TFR2: variants seen among roughly 807,000 people sequenced by gnomAD.
TFR2 encodes the protein transferrin receptor 2.
Under a neutral mutation model 91.9 loss-of-function variants are expected in TFR2, and 64 were observed. That is an observed-to-expected ratio of 0.70 (90% CI 0.57 to 0.86). The LOEUF is 0.86. TFR2 is among the 40% of genes least tolerant of loss of function. The pLI is 0.00. For synonymous variants in TFR2, 454 were observed against 459.6 expected, an observed-to-expected ratio of 0.99 and a Z score of 0.15; for missense variants, 950 against 1,080.5, an observed-to-expected ratio of 0.88 and a Z score of 1.69.
chr7:100,623,056 C>G lies in TFR2; in HGVS notation c.2137-1930G>C, dbSNP rs554542142. 2.0e-5 allele frequency among the ~76,000 whole-genome samples: 3 copies of G among 151,730 alleles called. No individual in the cohort carries two copies. The East Asian group carries it at 5.9e-4, about 30-fold the overall frequency. ...TTGGGAGGCCAAGGTGGGTAGATCA[C>G]GAGGTCAAGAGATCAAGACCATCCT... On this transcript the variant is annotated intron_variant, in intron 17 of 17. Transcript: ENST00000223051.
In TFR2 at chr7:100,632,171, G is replaced by T; in HGVS notation, c.877C>A (p.Gln293Lys). The part of the protein sequence containing the change: ...KVTNAQDFGA[Q>K]GVLIYPEPAD... ...GGCTCTGGGTATATGAGCACTCCTTGAGCCCCGAAGTCCTGAGCATTGGTC... is the reference window on the plus strand; with the variant it reads ...GGCTCTGGGTATATGAGCACTCCTTTAGCCCCGAAGTCCTGAGCATTGGTC... The change falls in exon 7 of 18, where the codon CAA becomes AAA. Residue 293 changes from glutamine to lysine, a missense_variant. Transcript: ENST00000223051. 1 of 1,614,106 alleles carries T rather than the reference G, an allele frequency of 6.2e-7. No homozygotes were observed. Among genetic ancestry groups the T allele is most frequent in the South Asian group, 1.1e-5 (1 of 91,072 alleles).
At chr7:100,625,065 T>C (rs1426812488) in intron 17 of TFR2, among the ~76,000 whole-genome samples, 22 of 147,766 alleles carry the variant, frequency 1.5e-4, no homozygotes, top group Non-Finnish European at 2.8e-4. Context: ...TTTTCTTTTT[T>C]TTTTTTTTTT....
In TFR2 at chr7:100,640,448, A is replaced by C. The variant is rs548999409; in HGVS notation, c.473+238T>G. Reference sequence around the variant, plus strand: ...ATGCTGCACCCCTCTGATCTCAGACAGTCAGCTCCCTCACCTCCCAAATAT... The same window carrying C: ...ATGCTGCACCCCTCTGATCTCAGACCGTCAGCTCCCTCACCTCCCAAATAT... On this transcript the variant is annotated intron_variant, in intron 3 of 17. Coordinates refer to ENST00000223051, the MANE Select transcript of TFR2 (RefSeq NM_003227.4). The C allele has an allele frequency of 3.5e-5, 20 of 577,106 alleles. No homozygotes were observed. The Admixed American group carries it at 4.9e-4, about 14-fold the overall frequency. The allele number at this position is 577,106 out of a possible 1,614,324, so 35.7% of individuals were successfully genotyped here.
chr7:100,621,254 T>C (rs1803103346), intron 17 of TFR2, 128 bp from the exon 18 acceptor site: 1 of 1,263,148 alleles, frequency 7.9e-7, no homozygotes, highest in East Asian at 2.6e-5. Flanking sequence ...GTTTGTTTTT[T>C]GTTTGTTCGT....
Position 100,641,036 on chromosome 7 carries a change from C to G in TFR2, c.226G>C (p.Ala76Pro). The G allele has an allele frequency of 6.2e-7, 1 of 1,601,268 alleles. No individual in the cohort carries two copies. Among genetic ancestry groups the G allele is most frequent in the Non-Finnish European group, 8.5e-7 (1 of 1,172,862 alleles). Residue 76 changes from alanine (A) to proline (P), a missense_variant, in exon 2 of 18, where the codon GCA becomes CCA. Physicochemically the swap from Ala to Pro is conservative, Grantham distance 27. Transcript: ENST00000223051. ...PRQPNLIPWAAAGRRAAPYLV... is the reference protein window; with the variant it reads ...PRQPNLIPWAPAGRRAAPYLV... ...TAGGGGGCAGCCCTCCGTCCTGCTG[C>G]CGCCCAGGGAATGAGGTTTGGCTGC...
In TFR2 at chr7:100,640,660, A is replaced by G. The variant is rs187061930; in HGVS notation, c.473+26T>C. The G allele has an allele frequency of 2.7e-5, 44 of 1,608,506 alleles. No homozygotes were observed. The East Asian group carries it at 9.6e-4, about 35-fold the overall frequency. Reference sequence around the variant, plus strand: ...CGGATGAGGGGAGGGACACTCGAGAACAGGATGGGGCAGGGCCATCCCTAC... The same window carrying G: ...CGGATGAGGGGAGGGACACTCGAGAGCAGGATGGGGCAGGGCCATCCCTAC... On this transcript the variant is annotated intron_variant, in intron 3 of 17. Coordinates refer to ENST00000223051, the MANE Select transcript of TFR2 (RefSeq NM_003227.4).
chr7:100,631,685 G>T, intron 8 of TFR2, 121 bp downstream of exon 8: 1 of 1,373,028 alleles, frequency 7.3e-7, no homozygotes, highest in Non-Finnish European at 9.9e-7. Context: ...GTGTAGTCAT[G>T]GCTCACTGCA....
At chr7:100,634,177 A>AAC (rs3076877) in intron 3 of TFR2, among the ~76,000 whole-genome samples, 11,415 of 132,580 alleles carry the variant, frequency 0.086, 520 homozygotes, top group South Asian at 0.13. Context: ...TCCCGACGTC[A>AAC]ACACACACAC....
chr7:100,627,285 G>C lies in TFR2; in HGVS notation c.1974C>G (p.Asn658Lys). 6.5e-7 allele frequency: 1 copy of C among 1,549,274 alleles called. No individual in the cohort carries two copies. Residue 658 changes from asparagine (N) to lysine (K), a missense_variant, in exon 16 of 18, where the codon AAC (asparagine) becomes AAG (lysine). By Grantham distance (94) the Asn-to-Lys change is moderately conservative (BLOSUM62 0). Transcript: ENST00000223051. The stretch of plus-strand genomic sequence containing the variant: ...GAACCTTGAGGTCCCCAGAGAACTC[G>C]TTGAGGTTCCCGATGTGCCTGAGGA... Reference protein sequence around the residue: ...DVVLRHIGNLNEFSGDLKARG... With the variant: ...DVVLRHIGNLKEFSGDLKARG...
In TFR2 at chr7:100,633,005, T is replaced by C. The variant is rs1338204934; in HGVS notation, c.845A>G (p.Gln282Arg). 1 of 1,613,620 alleles carries C rather than the reference T, an allele frequency of 6.2e-7. No individual in the cohort carries two copies. ...CCTCTGTCCAGGGACACTTACCTTC[T>C]GGGCGAAGCTGATCACCCCCACGCG... ...LVRVGVISFA[Q>R]KVTNAQDFGA... The change falls in exon 6 of 18, where the codon CAG becomes CGG. Residue 282 changes from glutamine (Q) to arginine (R), a missense_variant. Coordinates refer to ENST00000223051, the MANE Select transcript of TFR2 (RefSeq NM_003227.4).
In TFR2 at chr7:100,640,856, G is replaced by T. The variant is rs376955913; in HGVS notation, c.303C>A (p.Tyr101Ter). The T allele has an allele frequency of 6.2e-7, 1 of 1,614,066 alleles. No individual in the cohort carries two copies. Among genetic ancestry groups the T allele is most frequent in the Non-Finnish European group, 8.5e-7 (1 of 1,180,002 alleles). ...LIFTGAFLLG[Y>*]VAFRGSCQAC... Reference sequence around the variant, plus strand: ...CCTGGCAGGACCCTCGGAAGGCGACGTAGCCCAGTAGGAAGGCTGGCGGGT... The same window carrying T: ...CCTGGCAGGACCCTCGGAAGGCGACTTAGCCCAGTAGGAAGGCTGGCGGGT... Residue 101 changes from tyrosine to a stop codon, truncating the protein, a stop_gained, in exon 3 of 18, where the codon TAC becomes TAA. Coordinates refer to ENST00000223051, the MANE Select transcript of TFR2 (RefSeq NM_003227.4). LOFTEE classifies it high-confidence loss of function.
intron 17 of TFR2, among the ~76,000 whole-genome samples, chr7:100,624,247 T>C (rs1181368370): frequency 6.6e-6 from 1 of 152,036 alleles, no homozygotes; most frequent in African/African-American, 2.4e-5. Context: ...TGCCTCTTCA[T>C]GGGGCCCCTG....
At position 100,633,114 on chromosome 7, in the gene TFR2, C is replaced by G; in HGVS notation, c.736G>C (p.Val246Leu). The G allele has an allele frequency of 6.2e-7, 1 of 1,613,490 alleles. No individual in the cohort carries two copies. The highest frequency in any genetic ancestry group is 8.5e-7 in the Non-Finnish European group (1 of 1,179,894). ...TCGGGCCGCCCGTAGTGGGCGTACA[C>G]CAGCTCTCCCTGGGGACACGAGGAC... ...SAIGNVTGELVYAHYGRPEDL... is the reference protein window; with the variant it reads ...SAIGNVTGELLYAHYGRPEDL... Residue 246 changes from valine (V) to leucine (L), a missense_variant, in exon 6 of 18, where the codon GTG becomes CTG. Coordinates refer to ENST00000223051, the MANE Select transcript of TFR2 (RefSeq NM_003227.4).
intron 17 of TFR2, 192 bp downstream of exon 17, chr7:100,626,571 T>C (rs1298665984): frequency 3.5e-6 from 5 of 1,416,394 alleles, no homozygotes; most frequent in Non-Finnish European, 4.6e-6. Context: ...TTCATCACTT[T>C]GATCGCTCGG....
chr7:100,622,487 C>T (rs756455392), intron 17 of TFR2, among the ~76,000 whole-genome samples: 1 of 152,226 alleles, frequency 6.6e-6, no homozygotes, highest in Non-Finnish European at 1.5e-5. Flanking sequence ...GGGGTGAGCA[C>T]AGGCTTTGAA....
chr7:100,621,026 T>TC lies in TFR2; in HGVS notation c.2236dup (p.Asp746GlyfsTer46), dbSNP rs777027788. 6.9e-6 allele frequency: 11 copies of TC among 1,597,084 alleles called. No individual in the cohort carries two copies. The African/African-American group carries it at 1.5e-4, about 21-fold the overall frequency. ...GTTGGAGCGCAGCAGCCGCAGGTGG[T>TC]CCAGCAGGGCGCCCAGCGTGTGGTC... On this transcript the variant is annotated frameshift_variant, in exon 18 of 18. Transcript: ENST00000223051. LOFTEE classifies it high-confidence loss of function.
In TFR2 at chr7:100,641,102, T is replaced by C. The variant is rs780442949; in HGVS notation, c.160A>G (p.Met54Val). 1.9e-5 allele frequency: 31 copies of C among 1,595,910 alleles called. No homozygotes were observed. The highest frequency in any genetic ancestry group is 2.6e-5 in the Non-Finnish European group (30 of 1,170,798). ...GAETLAHFCP[M>V]ELRGPEPLGS... ...AGGGGCTCAGGGCCCCTCAGCTCCA[T>C]GGGGCAGAAGTGGGCCAATGTCTCC... is the stretch of plus-strand genomic sequence containing the variant. The change falls in exon 2 of 18, where the codon ATG becomes GTG. Residue 54 changes from methionine (M) to valine (V), a missense_variant. Met to Val is a conservative substitution (Grantham distance 21, BLOSUM62 1). Coordinates refer to ENST00000223051, the MANE Select transcript of TFR2 (RefSeq NM_003227.4).
Position 100,621,094 on chromosome 7 carries a change from C to A in TFR2, c.2169G>T (p.Ser723=). 6.5e-7 allele frequency: 1 copy of A among 1,538,042 alleles called. No individual in the cohort carries two copies. The change falls in exon 18 of 18, where the codon TCG becomes TCT. Residue 723 remains serine (S), a synonymous_variant. Transcript: ENST00000223051. ...TGTGGCGGAACGGGGAGTCGGCTGG[C>A]GACACGTACTGGGAAAGGAAGTAGA... ...VEFYFLSQYV[S]PADSPFRHIF...
In TFR2 at chr7:100,626,810, C is replaced by T. The variant is rs1803267688; in HGVS notation, c.2089G>A (p.Glu697Lys). Reference protein sequence around the residue: ...KLRQEIYSSEERDERLTRMYN... With the variant: ...KLRQEIYSSEKRDERLTRMYN... ...ATGCGTGTCAGTCGCTCGTCTCTCT[C>T]CTCCGAGCTGTAGATCTCCTGCCGC... Residue 697 changes from glutamate (E) to lysine (K), a missense_variant, in exon 17 of 18, where the codon GAG (glutamate) becomes AAG (lysine). Coordinates refer to ENST00000223051, the MANE Select transcript of TFR2 (RefSeq NM_003227.4). 1 of 1,549,074 alleles carries T rather than the reference C, an allele frequency of 6.5e-7. No homozygotes were observed.
Sources: gnomAD v4.1 joint callset for allele counts (sites outside exome capture counted in the v4.1 genomes callset) on GRCh38, gnomAD v4.1.1 for gene constraint, MANE v1.5 for transcripts, NCBI Gene and HGNC (gene_info 2026-07-23, HGNC 2026-07-21) for gene names.